The following CSTF2 variants were observed in gnomAD, a reference collection of about 807,000 sequenced individuals.
The protein encoded by CSTF2 is cleavage stimulation factor subunit 2.
In CSTF2, 8 loss-of-function variants were observed where a neutral mutation model predicts 45.4. That is an observed-to-expected ratio of 0.18 (90% CI 0.10 to 0.32). The LOEUF (loss-of-function observed/expected upper bound fraction) is 0.32. Ranked by LOEUF, CSTF2 falls within the 10% of genes least tolerant of loss-of-function variation. CSTF2 has a pLI of 1.00. For synonymous variants in CSTF2, 155 were observed against 158.9 expected, an observed-to-expected ratio of 0.98 and a Z score of 0.18; for missense variants, 253 against 477.1, an observed-to-expected ratio of 0.53 and a Z score of 4.38.
At chrX:100,836,447 C>T (rs746180813) in intron 11 of CSTF2, among the ~76,000 whole-genome samples, 26 of 111,907 alleles carry the variant, frequency 2.3e-4, no homozygotes, top group Admixed American at 8.5e-4. Flanking sequence ...GTTATTTATC[C>T]GTATTTCTTT....
At chrX:100,826,444 T>A (rs1436070617) in intron 6 of CSTF2, among the ~76,000 whole-genome samples, 190 bp from the exon 7 acceptor site, 1 of 111,125 alleles carries the variant, frequency 9.0e-6, no homozygotes, top group Admixed American at 9.6e-5. Flanking sequence ...ACCAGGCTCA[T>A]GACGTATATT....
At chrX:100,826,560 T>G (rs764007245) in intron 6 of CSTF2, 74 bp from the exon 7 acceptor site, 1 of 1,069,263 alleles carries the variant, frequency 9.4e-7, no homozygotes, top group African/African-American at 1.8e-5. Flanking sequence ...TGAAGAGGAC[T>G]TTTAAGGTCG....
chrX:100,824,052 A>C lies in CSTF2; in HGVS notation c.564+47A>C, dbSNP rs746703488. 28 of 1,207,580 alleles carry C rather than the reference A, an allele frequency of 2.3e-5. No individual in the cohort carries two copies. The African/African-American group carries it at 4.0e-4, about 17-fold the overall frequency. On this transcript the variant is annotated intron_variant, in intron 5 of 13. Coordinates refer to ENST00000372972, the MANE Select transcript of CSTF2 (RefSeq NM_001325.3). Reference sequence around the variant, plus strand: ...ATGGAAATGGTCGGGTAAACCTTGAATGGGATAGGAACTACCTGATTGCTT... The same window carrying C: ...ATGGAAATGGTCGGGTAAACCTTGACTGGGATAGGAACTACCTGATTGCTT...
intron 2 of CSTF2, among the ~76,000 whole-genome samples, chrX:100,822,039 G>A (rs1368275100): frequency 9.2e-6 from 1 of 108,713 alleles, no homozygotes; most frequent in African/African-American, 3.4e-5. Flanking sequence ...ATAGCAGTGA[G>A]CCAAGATCAT....
intron 7 of CSTF2, among the ~76,000 whole-genome samples, chrX:100,827,088 A>T (rs1437614953): frequency 9.0e-6 from 1 of 111,684 alleles, no homozygotes; most frequent in African/African-American, 3.3e-5. Flanking sequence ...AGTAATAATA[A>T]ATGTAGAGTA....
At position 100,824,068 on chromosome X, in the gene CSTF2, C is replaced by T. The variant is rs376061074; in HGVS notation, c.565-52C>T. Reference sequence around the variant, plus strand: ...AAACCTTGAATGGGATAGGAACTACCTGATTGCTTTGTTAAACAGACAGCT... The same window carrying T: ...AAACCTTGAATGGGATAGGAACTACTTGATTGCTTTGTTAAACAGACAGCT... On this transcript the variant is annotated intron_variant, in intron 5 of 13. Transcript: ENST00000372972. 6.7e-5 allele frequency: 81 copies of T among 1,205,634 alleles called. No individual in the cohort carries two copies. The African/African-American group carries it at 6.8e-4, about 10-fold the overall frequency.
In CSTF2 at chrX:100,837,348, A is replaced by T. The variant is rs1330742553; in HGVS notation, c.1510A>T (p.Met504Leu). 1.7e-6 allele frequency: 2 copies of T among 1,201,162 alleles called. No homozygotes were observed. Among genetic ancestry groups the T allele is most frequent in the Non-Finnish European group, 2.3e-6 (2 of 888,397 alleles). ...CTCTTTGTACACATAGGTCCCAGTC[A>T]TGCAGGGAACAGGAATGCAAGGAGC... is the stretch of plus-strand genomic sequence containing the variant. The part of the protein sequence containing the change: ...VPQGSRQVPV[M>L]QGTGMQGASI... Residue 504 changes from methionine (M) to leucine (L), a missense_variant, in exon 12 of 14, where the codon ATG becomes TTG. Physicochemically the swap from Met to Leu is conservative, Grantham distance 15 (BLOSUM62 2). Transcript: ENST00000372972.
Position 100,823,373 on chromosome X carries a change from A to G in CSTF2, c.389A>G (p.Lys130Arg). Residue 130 changes from lysine to arginine, a missense_variant, in exon 4 of 14, where the codon AAA (lysine) becomes AGA (arginine). This residue lies in a region of CSTF2 where 45 missense variants were observed against 147.5 expected (regional missense o/e 0.31). Transcript: ENST00000372972. Reference protein sequence around the residue: ...SPEDAPESISKAVASLPPEQM... With the variant: ...SPEDAPESISRAVASLPPEQM... ...GAGGATGCCCCTGAGTCCATTAGCA[A>G]AGCAGTTGCCAGCCTTCCACCAGAG... The G allele has an allele frequency of 1.7e-6, 2 of 1,212,065 alleles. No homozygotes were observed. The highest frequency in any genetic ancestry group is 3.5e-5 in the South Asian group (2 of 57,022).
At chrX:100,826,398 T>C (rs1006595801) in intron 6 of CSTF2, among the ~76,000 whole-genome samples, 13 of 107,801 alleles carry the variant, frequency 1.2e-4, no homozygotes, top group African/African-American at 4.4e-4. Flanking sequence ...AATCTCTACA[T>C]TGAGAATATG....
intron 8 of CSTF2, among the ~76,000 whole-genome samples, chrX:100,828,765 C>G (rs2084958432): frequency 8.9e-6 from 1 of 111,913 alleles, no homozygotes. Flanking sequence ...GAGGAGAGAT[C>G]GTAAGAAAAG....
At chrX:100,830,504 A>C (rs928789664) in intron 8 of CSTF2, among the ~76,000 whole-genome samples, 1 of 111,203 alleles carries the variant, frequency 9.0e-6, no homozygotes. Flanking sequence ...TCATAAGGAG[A>C]CCTAACGGAA....
At chrX:100,825,812 A>G (rs1278460614) in intron 6 of CSTF2, among the ~76,000 whole-genome samples, 1 of 111,591 alleles carries the variant, frequency 9.0e-6, no homozygotes, top group Non-Finnish European at 1.9e-5. Flanking sequence ...AGATAGAAAA[A>G]AAAAGCTAAG....
intron 1 of CSTF2, among the ~76,000 whole-genome samples, chrX:100,821,022 T>G (rs1164058850): frequency 8.9e-6 from 1 of 112,717 alleles, no homozygotes; most frequent in Non-Finnish European, 1.9e-5. Flanking sequence ...TGAATTATCT[T>G]TTTGGCTGAA....
At position 100,833,285 on chromosome X, in the gene CSTF2, G is replaced by A. The variant is rs767318301; in HGVS notation, c.1313G>A (p.Arg438His). Residue 438 changes from arginine (R) to histidine (H), a missense_variant, in exon 11 of 14, where the codon CGT (arginine) becomes CAT (histidine). Coordinates refer to ENST00000372972, the MANE Select transcript of CSTF2 (RefSeq NM_001325.3). ...RGLEARAMEA[R>H]AMEARAMEAR... ...TTAGAGGCCCGTGCAATGGAGGCCC[G>A]TGCGATGGAAGCTCGTGCAATGGAG... is the stretch of plus-strand genomic sequence containing the variant. 20 of 1,208,263 alleles carry A rather than the reference G, an allele frequency of 1.7e-5. No individual in the cohort carries two copies. Among genetic ancestry groups the A allele is most frequent in the Admixed American group, 1.1e-4 (5 of 45,688 alleles).
intron 1 of CSTF2, 191 bp downstream of exon 1, chrX:100,820,665 G>A (rs1465748249): frequency 1.9e-6 from 1 of 525,543 alleles, no homozygotes; most frequent in South Asian, 2.5e-5. Flanking sequence ...TAGGCTTTCC[G>A]CAATATCAGT....
intron 8 of CSTF2, among the ~76,000 whole-genome samples, chrX:100,831,149 C>T (rs1449047147): frequency 9.0e-6 from 1 of 111,123 alleles, no homozygotes; most frequent in Non-Finnish European, 1.9e-5. Context: ...AAGGAGACAG[C>T]GGGTTCTTGC....
intron 2 of CSTF2, 108 bp from the exon 3 acceptor site, chrX:100,822,143 G>A (rs1246750050): frequency 3.5e-5 from 20 of 564,732 alleles, no homozygotes; most frequent in Non-Finnish European, 4.4e-5. Flanking sequence ...GGCTGTCAGA[G>A]ATATAAGGTT....
intron 13 of CSTF2, among the ~76,000 whole-genome samples, chrX:100,838,897 A>G (rs1311317065): frequency 9.0e-6 from 1 of 110,589 alleles, no homozygotes; most frequent in Non-Finnish European, 1.9e-5. Context: ...GTTTCTATAT[A>G]TTTTGGAGAT....
At chrX:100,821,117 A>G (rs2084915851) in intron 1 of CSTF2, among the ~76,000 whole-genome samples, 1 of 112,837 alleles carries the variant, frequency 8.9e-6, no homozygotes, top group African/African-American at 3.2e-5. Flanking sequence ...TACTTTTTAA[A>G]CATCTTTCAC....
Sources: allele counts gnomAD v4.1 joint callset (sites outside exome capture counted in the v4.1 genomes callset), GRCh38; gene constraint gnomAD v4.1.1; regional missense constraint gnomAD v4.1.1; transcripts MANE v1.5; gene names NCBI Gene and HGNC (gene_info 2026-07-23, HGNC 2026-07-21).